LARP4: variants seen among roughly 807,000 people sequenced by gnomAD.
LARP4 encodes the protein la-related protein 4.
LARP4 carries 29 observed loss-of-function variants against 92.9 expected under a neutral mutation model. The observed-to-expected ratio is 0.31, with a 90% confidence interval of 0.23 to 0.43. The LOEUF (loss-of-function observed/expected upper bound fraction) is 0.43. Among genes scored for constraint, LARP4 ranks in the 20% least tolerant of loss-of-function variants. LARP4 has a pLI of 1.00. For missense variants in LARP4, 732 were observed against 860.0 expected, an observed-to-expected ratio of 0.85 and a Z score of 1.86; for synonymous variants, 279 against 284.1, an observed-to-expected ratio of 0.98 and a Z score of 0.18.
intron 8 of LARP4, among the ~76,000 whole-genome samples, chr12:50,446,003 CTTTTTT>C (rs71441367): frequency 7.9e-6 from 1 of 126,948 alleles, no homozygotes; most frequent in Non-Finnish European, 1.7e-5. Context: ...TTTCTTTTTT[CTTTTTT>C]TTTTTTTTTT....
chr12:50,472,175 G>C (rs1245223437), intron 13 of LARP4, among the ~76,000 whole-genome samples: 1 of 152,096 alleles, frequency 6.6e-6, no homozygotes, highest in Non-Finnish European at 1.5e-5. Context: ...TATGCCAGCA[G>C]TATAAATACA....
At chr12:50,441,749 CA>C in intron 8 of LARP4, 106 bp downstream of exon 8, 1 of 973,148 alleles carries the variant, frequency 1.0e-6, no homozygotes, top group Non-Finnish European at 1.5e-6. Flanking sequence ...TAGTGACTTT[CA>C]AAAAGTTTCT....
intron 4 of LARP4, among the ~76,000 whole-genome samples, chr12:50,433,328 C>G (rs1227580520): frequency 6.9e-6 from 1 of 144,966 alleles, no homozygotes; most frequent in Non-Finnish European, 1.5e-5. Flanking sequence ...GCAGTGGAAG[C>G]TCCTACTTGT....
rs78397855 is a variant in LARP4 at position 50,425,423 on chromosome 12, G to A, written c.19-2339G>A. 3.3e-3 allele frequency among the ~76,000 whole-genome samples: 510 copies of A among 152,278 alleles called. 4 individuals are homozygous for A. Among genetic ancestry groups the A allele is most frequent in the African/African-American group, 0.011 (472 of 41,566 alleles). On this transcript the variant is annotated intron_variant, in intron 1 of 15. Transcript: ENST00000398473. The stretch of plus-strand genomic sequence containing the variant: ...ACCTATCTGGTATTCTCAGAATGGA[G>A]GAAAGAGAGGGAGAGAATAAGTATG...
At chr12:50,413,603 C>A (rs773127113) in intron 1 of LARP4, among the ~76,000 whole-genome samples, 1 of 152,126 alleles carries the variant, frequency 6.6e-6, no homozygotes, top group Non-Finnish European at 1.5e-5. Context: ...CTACAACACA[C>A]CTAGGCTATA....
At chr12:50,440,292 C>T (rs773349304) in intron 6 of LARP4, 147 bp from the exon 7 acceptor site, 1 of 623,572 alleles carries the variant, frequency 1.6e-6, no homozygotes, top group Non-Finnish European at 2.9e-6. Flanking sequence ...AACAGCCCAT[C>T]CTCAGTGGAA....
At chr12:50,414,326 C>T (rs564283828) in intron 1 of LARP4, among the ~76,000 whole-genome samples, 3 of 152,126 alleles carry the variant, frequency 2.0e-5, no homozygotes, top group East Asian at 1.9e-4. Flanking sequence ...TCTGTTGAGA[C>T]GGGGTCTTGC....
chr12:50,462,476 CAA>C (rs5798139), intron 11 of LARP4, 104 bp from the exon 12 acceptor site: 681 of 464,178 alleles, frequency 1.5e-3, no homozygotes, highest in South Asian at 2.0e-3. Flanking sequence ...GACTCCATCT[CAA>C]AAAAAAAAAA....
intron 1 of LARP4, among the ~76,000 whole-genome samples, chr12:50,413,871 A>G (rs1340872476): frequency 1.3e-5 from 2 of 152,174 alleles, no homozygotes; most frequent in Admixed American, 6.6e-5. Context: ...TTTTCCCTAA[A>G]TCTGGTTTTA....
At chr12:50,446,643 G>A (rs750700259) in intron 8 of LARP4, among the ~76,000 whole-genome samples, 2 of 150,184 alleles carry the variant, frequency 1.3e-5, no homozygotes, top group Non-Finnish European at 1.5e-5. Flanking sequence ...TGGCCAGGCT[G>A]GTCTCGAATT....
intron 8 of LARP4, among the ~76,000 whole-genome samples, chr12:50,452,755 G>A (rs1047285970): frequency 3.9e-5 from 6 of 152,082 alleles, no homozygotes; most frequent in South Asian, 2.1e-4. Flanking sequence ...TTTAAGAGCC[G>A]TTTGCCTTTT....
rs372360954 is a variant in LARP4, at chr12:50,427,678, G to A, written c.19-84G>A. ...TATTGGGTTTCTCCCCCACTTTTAA[G>A]TAATGGAAAAGTGATTTTATCTGAA... On this transcript the variant is annotated intron_variant, in intron 1 of 15. Coordinates refer to ENST00000398473, the MANE Select transcript of LARP4 (RefSeq NM_052879.5). The A allele has an allele frequency of 5.6e-4, 451 of 805,784 alleles. 6 individuals are homozygous for A. The South Asian group carries it at 0.016, about 28-fold the overall frequency. The allele number at this position is 805,784 out of a possible 1,614,324, so 49.9% of individuals were successfully genotyped here. A position where few individuals can be genotyped will look rare whatever the true frequency, so the allele number is the denominator to read the frequency against.
intron 1 of LARP4, among the ~76,000 whole-genome samples, chr12:50,417,946 C>T (rs1947119327): frequency 1.3e-5 from 2 of 152,180 alleles, no homozygotes; most frequent in South Asian, 2.1e-4. Flanking sequence ...CTGCAACCTC[C>T]GCCTCCTGGA....
chr12:50,470,975 T>C (rs1382802388), intron 13 of LARP4, among the ~76,000 whole-genome samples: 1 of 152,164 alleles, frequency 6.6e-6, no homozygotes, highest in African/African-American at 2.4e-5. Context: ...ACATATTCTT[T>C]GTTTTACAAC....
intron 15 of LARP4, among the ~76,000 whole-genome samples, chr12:50,475,056 A>G (rs1002164141): frequency 5.3e-5 from 8 of 152,166 alleles, no homozygotes; most frequent in Admixed American, 1.3e-4. Flanking sequence ...AAGACTTTAC[A>G]TGTTTTATTC....
chr12:50,449,160 T>C (rs1025080913), intron 8 of LARP4, among the ~76,000 whole-genome samples: 2 of 152,058 alleles, frequency 1.3e-5, no homozygotes, highest in African/African-American at 4.8e-5. Context: ...CGAGAATCAT[T>C]TGATCCTTGG....
chr12:50,439,994 A>G (rs1231572976), intron 6 of LARP4, among the ~76,000 whole-genome samples: 1 of 152,244 alleles, frequency 6.6e-6, no homozygotes, highest in Non-Finnish European at 1.5e-5. Context: ...TATTGCCTAG[A>G]AAATGTTAAT....
rs753656920 is a variant in LARP4 at position 50,476,549 on chromosome 12, CTGAT to C, written c.*688_*691del. 3.3e-5 allele frequency: 5 copies of C among 152,480 alleles called. No homozygotes were observed. The highest frequency in any genetic ancestry group is 5.9e-5 in the Non-Finnish European group (4 of 68,024). The allele number at this position is 152,480 out of a possible 1,614,324, so 9.4% of individuals were successfully genotyped here. ...ATTTCATTTAACAAGTTGTAAAACT[CTGAT>C]TGTACTTAGAGATGTGACTACCAAT... On this transcript the variant is annotated 3_prime_UTR_variant, in exon 16 of 16. Coordinates refer to ENST00000398473, the MANE Select transcript of LARP4 (RefSeq NM_052879.5).
intron 8 of LARP4, among the ~76,000 whole-genome samples, chr12:50,451,656 G>T (rs567239604): frequency 5.9e-5 from 9 of 152,168 alleles, no homozygotes; most frequent in Non-Finnish European, 1.3e-4. Context: ...GCAACAGGGT[G>T]AAACCCCGTC....
Sources: gnomAD v4.1 joint callset for allele counts (sites outside exome capture counted in the v4.1 genomes callset) on GRCh38, gnomAD v4.1.1 for gene constraint, MANE v1.5 for transcripts, NCBI Gene and HGNC (gene_info 2026-07-23, HGNC 2026-07-21) for gene names.